Variants in UBTD1 observed in about 807,000 individuals in gnomAD.
UBTD1 encodes ubiquitin domain-containing protein 1.
Under a neutral mutation model 21.7 loss-of-function variants are expected in UBTD1, and 19 were observed. The ratio of observed to expected loss-of-function variants is 0.87; its 90% CI spans 0.61 to 1.28. The LOEUF (loss-of-function observed/expected upper bound fraction) is 1.28. Among genes scored for constraint, UBTD1 ranks in the 50% most tolerant of loss-of-function variants. The probability of loss-of-function intolerance (pLI) is 0.00; values close to 1 mark genes in which losing one functional copy is unlikely to be tolerated. For missense variants in UBTD1, 282 were observed against 315.1 expected (o/e 0.89, Z 0.80); for synonymous variants, 116 against 135.1 (o/e 0.86, Z 0.98).
intron 1 of UBTD1, among the ~76,000 whole-genome samples, chr10:97,547,639 A>C (rs1222542455): frequency 6.6e-6 from 1 of 152,016 alleles, no homozygotes. Flanking sequence ...ATCTTGGCTC[A>C]CTGCAACCTC....
At chr10:97,556,574 A>G (rs1422838024) in intron 1 of UBTD1, among the ~76,000 whole-genome samples, 1 of 152,198 alleles carries the variant, frequency 6.6e-6, no homozygotes, top group African/African-American at 2.4e-5. Flanking sequence ...CCATAGTATT[A>G]TATGATTTTT....
At chr10:97,533,323 A>C (rs1442173612) in intron 1 of UBTD1, among the ~76,000 whole-genome samples, 1 of 152,184 alleles carries the variant, frequency 6.6e-6, no homozygotes, top group Non-Finnish European at 1.5e-5. Context: ...GGCATCTATG[A>C]AGGGAGGACG....
intron 1 of UBTD1, among the ~76,000 whole-genome samples, chr10:97,507,601 C>T (rs527637959): frequency 2.0e-5 from 3 of 151,300 alleles, no homozygotes; most frequent in African/African-American, 7.3e-5. Flanking sequence ...GGTGAAACCC[C>T]GTCTCTACTA....
intron 1 of UBTD1, among the ~76,000 whole-genome samples, chr10:97,539,518 C>T (rs892125442): frequency 6.6e-6 from 1 of 151,948 alleles, no homozygotes; most frequent in Non-Finnish European, 1.5e-5. Context: ...TCTCTTGAGC[C>T]CAGGAGGTGG....
At chr10:97,500,929 C>T (rs903410604) in intron 1 of UBTD1, among the ~76,000 whole-genome samples, 2 of 152,228 alleles carry the variant, frequency 1.3e-5, no homozygotes, top group Non-Finnish European at 2.9e-5. Context: ...ACCTCCAAAA[C>T]CAGGCTCTGC....
chr10:97,517,545 G>A (rs2040449772), intron 1 of UBTD1, among the ~76,000 whole-genome samples: 1 of 152,168 alleles, frequency 6.6e-6, no homozygotes, highest in African/African-American at 2.4e-5. Flanking sequence ...GCATGTCACA[G>A]GGCTCTGTGC....
At chr10:97,567,678 A>G (rs796625052) in intron 1 of UBTD1, among the ~76,000 whole-genome samples, 1 of 152,002 alleles carries the variant, frequency 6.6e-6, no homozygotes, top group East Asian at 1.9e-4. Flanking sequence ...AAAACAAAAA[A>G]CAAAAACAAT....
rs1453504950 is a variant in UBTD1 at position 97,570,933 on chromosome 10, A to G, written c.*410A>G. ...CCCATCCCCTGGCTCTCCCCTGGGC[A>G]CAGTGCCACTCCCTTGGAAGGGAGG... On this transcript the variant is annotated 3_prime_UTR_variant, in exon 3 of 3. Coordinates refer to ENST00000370664, the MANE Select transcript of UBTD1 (RefSeq NM_024954.5). This position sits in a 1 kb window ranked among gnomAD's most constrained non-coding sequence, Gnocchi z 6.6. The G allele has an allele frequency of 1.7e-5, 3 of 180,534 alleles. No individual in the cohort carries two copies. Among genetic ancestry groups the G allele is most frequent in the African/African-American group, 4.7e-5 (2 of 42,844 alleles). 11.2% of individuals were successfully genotyped at this position (180,534 alleles called of 1,614,324 possible).
intron 1 of UBTD1, among the ~76,000 whole-genome samples, chr10:97,534,079 C>T (rs946936979): frequency 7.2e-5 from 11 of 152,180 alleles, no homozygotes; most frequent in Non-Finnish European, 1.6e-4. Context: ...CCTTTTCTGG[C>T]CAGCTTCTGC....
chr10:97,570,041 G>T lies in UBTD1; in HGVS notation c.299-97G>T, dbSNP rs540235068. 5.4e-5 allele frequency: 80 copies of T among 1,480,224 alleles called. No homozygotes were observed. The South Asian group carries it at 1.0e-3, about 19-fold the overall frequency. 91.7% of individuals were successfully genotyped at this position (1,480,224 alleles called of 1,614,324 possible). The stretch of plus-strand genomic sequence containing the variant: ...CATGTCCAAATACAGTCACATTGGG[G>T]GTTAGAGTTTCACCATATGAATTTG... On this transcript the variant is annotated intron_variant, in intron 2 of 2. Transcript: ENST00000370664. The surrounding 1 kb of genome is among the most constrained non-coding windows in gnomAD (Gnocchi z 6.6).
At chr10:97,553,639 A>T (rs1465873176) in intron 1 of UBTD1, among the ~76,000 whole-genome samples, 1 of 151,994 alleles carries the variant, frequency 6.6e-6, no homozygotes, top group East Asian at 1.9e-4. Flanking sequence ...ACAGCGTTTG[A>T]CCCACTGATG....
intron 1 of UBTD1, among the ~76,000 whole-genome samples, chr10:97,507,947 C>T (rs962412591): frequency 6.6e-6 from 1 of 152,166 alleles, no homozygotes; most frequent in Non-Finnish European, 1.5e-5. Flanking sequence ...GCCTAGGCAG[C>T]CAGTCACTAA....
intron 1 of UBTD1, among the ~76,000 whole-genome samples, chr10:97,516,619 T>TA (rs1469739228): frequency 6.6e-6 from 1 of 150,938 alleles, no homozygotes; most frequent in Non-Finnish European, 1.5e-5. Context: ...ACTAAAAATA[T>TA]AAAAAATTAG....
chr10:97,560,673 A>G (rs2135686141), intron 1 of UBTD1, among the ~76,000 whole-genome samples: 1 of 152,212 alleles, frequency 6.6e-6, no homozygotes, highest in Middle Eastern at 3.4e-3. Flanking sequence ...TCTATTTCAC[A>G]CAAAGTTCTA....
chr10:97,553,784 A>T (rs1217976893), intron 1 of UBTD1, among the ~76,000 whole-genome samples: 2 of 152,126 alleles, frequency 1.3e-5, no homozygotes, highest in African/African-American at 4.8e-5. Flanking sequence ...CCCCCTCACC[A>T]GCCCATTGTA....
intron 1 of UBTD1, among the ~76,000 whole-genome samples, chr10:97,533,899 C>T (rs7911122): frequency 0.63 from 92,700 of 148,250 alleles, 32,294 homozygotes; most frequent in Non-Finnish European, 0.79. Context: ...CTGAAGCCTG[C>T]GTGACAAAGC....
chr10:97,559,604 T>G (rs2040683344), intron 1 of UBTD1, among the ~76,000 whole-genome samples: 1 of 152,208 alleles, frequency 6.6e-6, no homozygotes, highest in Non-Finnish European at 1.5e-5. Context: ...AGTGTGTTAT[T>G]AATATTAAAC....
chr10:97,559,417 T>C (rs1273922683), intron 1 of UBTD1, among the ~76,000 whole-genome samples: 3 of 152,376 alleles, frequency 2.0e-5, no homozygotes, highest in Admixed American at 2.0e-4. Flanking sequence ...GTGTGCTGTC[T>C]TAATTGCCAA....
chr10:97,503,232 G>T (rs1304209981), intron 1 of UBTD1, among the ~76,000 whole-genome samples: 1 of 152,096 alleles, frequency 6.6e-6, no homozygotes, highest in Non-Finnish European at 1.5e-5. Context: ...ATTTTTTTTG[G>T]ATTGTTACTC....
Sources: allele counts gnomAD v4.1 joint callset (sites outside exome capture counted in the v4.1 genomes callset), GRCh38; gene constraint gnomAD v4.1.1; non-coding constraint Gnocchi (gnomAD v3.1); transcripts MANE v1.5; gene names NCBI Gene and HGNC (gene_info 2026-07-23, HGNC 2026-07-21).